Variants in XPO6 observed in about 807,000 individuals in gnomAD.
The protein encoded by XPO6 is exportin-6.
XPO6 carries 3 observed loss-of-function variants against 130.0 expected under a neutral mutation model. That is an observed-to-expected ratio of 0.02 (90% CI 0.01 to 0.06). The LOEUF (loss-of-function observed/expected upper bound fraction) is 0.06, where lower values mean the gene tolerates loss of function less well. Ranked by LOEUF, XPO6 falls within the 10% of genes least tolerant of loss-of-function variation. XPO6 has a pLI of 1.00. For synonymous variants in XPO6, 524 were observed against 548.9 expected (o/e 0.95, Z 0.63); for missense variants, 970 against 1,393.0 (o/e 0.70, Z 4.83).
At chr16:28,159,832 C>T (rs903583330) in intron 6 of XPO6, among the ~76,000 whole-genome samples, 1 of 152,074 alleles carries the variant, frequency 6.6e-6, no homozygotes, top group Admixed American at 6.5e-5. Flanking sequence ...ATTAGTATTT[C>T]TTGTAGAAAA....
At chr16:28,118,311 A>T (rs1299302575) in intron 14 of XPO6, among the ~76,000 whole-genome samples, 1 of 152,172 alleles carries the variant, frequency 6.6e-6, no homozygotes, top group African/African-American at 2.4e-5. Context: ...CTCTAAAAAG[A>T]GGCTTTCCCT....
At position 28,175,947 on chromosome 16, in the gene XPO6, C is replaced by T. The variant is rs2043528170; in HGVS notation, c.356G>A (p.Arg119His). ...GTGGTAGAACATGGGCCAATCCTGA[C>T]GTCCAATATCAACAATAACTTTGCA... ...KLCKVIVDIG[R>H]QDWPMFYHDF... The change falls in exon 4 of 24, where the codon CGT (arginine) becomes CAT (histidine). Residue 119 changes from arginine (R) to histidine (H), a missense_variant. Arg to His is a conservative substitution (Grantham distance 29). Around this residue, in one of 4 missense-constraint regions of XPO6, gnomAD observed 936 missense variants for 1,306.8 expected, o/e 0.72. Transcript: ENST00000304658. 1 of 1,613,998 alleles carries T rather than the reference C, an allele frequency of 6.2e-7. No individual in the cohort carries two copies. Among genetic ancestry groups the T allele is most frequent in the African/African-American group, 1.3e-5 (1 of 74,892 alleles).
intron 15 of XPO6, 153 bp downstream of exon 15, chr16:28,117,165 T>C: frequency 2.8e-6 from 3 of 1,063,356 alleles, no homozygotes; most frequent in Non-Finnish European, 4.0e-6. Flanking sequence ...AGGCTACAAC[T>C]AAAAAGGAAC....
intron 1 of XPO6, among the ~76,000 whole-genome samples, chr16:28,199,525 C>T (rs908670086): frequency 8.6e-5 from 13 of 152,000 alleles, no homozygotes; most frequent in Non-Finnish European, 1.5e-4. Flanking sequence ...GATCCGCCTG[C>T]CTCGGCCTCC....
chr16:28,170,122 C>T (rs1320252217), intron 4 of XPO6, among the ~76,000 whole-genome samples: 2 of 152,000 alleles, frequency 1.3e-5, no homozygotes, highest in Non-Finnish European at 2.9e-5. Context: ...CACCTGAGGT[C>T]GGGAGTTAGA....
chr16:28,160,834 T>C (rs2043266964), intron 6 of XPO6, among the ~76,000 whole-genome samples: 1 of 152,220 alleles, frequency 6.6e-6, no homozygotes, highest in Non-Finnish European at 1.5e-5. Context: ...TTTAAATATT[T>C]AATTCATTTA....
chr16:28,159,917 C>T (rs1013835144), intron 6 of XPO6, among the ~76,000 whole-genome samples: 5 of 152,070 alleles, frequency 3.3e-5, no homozygotes, highest in African/African-American at 7.2e-5. Flanking sequence ...CGGGCACAGT[C>T]GCTCACGCCT....
intron 9 of XPO6, among the ~76,000 whole-genome samples, chr16:28,141,663 A>G (rs567283479): frequency 6.6e-6 from 1 of 152,320 alleles, no homozygotes; most frequent in Non-Finnish European, 1.5e-5. Flanking sequence ...GGCTCTCTCA[A>G]GTCCCCACAG....
chr16:28,125,961 G>T, intron 12 of XPO6, 113 bp from the exon 13 acceptor site: 1 of 1,360,566 alleles, frequency 7.3e-7, no homozygotes, highest in Non-Finnish European at 1.0e-6. Flanking sequence ...AAACCAATTC[G>T]CGAAACAAAG....
At chr16:28,147,496 C>A (rs1311505694) in intron 8 of XPO6, among the ~76,000 whole-genome samples, 1 of 152,156 alleles carries the variant, frequency 6.6e-6, no homozygotes, top group East Asian at 1.9e-4. Context: ...TCCAACTTCA[C>A]GACCCAAAGG....
intron 1 of XPO6, among the ~76,000 whole-genome samples, chr16:28,202,513 G>A (rs910918958): frequency 9.2e-5 from 14 of 152,232 alleles, no homozygotes; most frequent in Non-Finnish European, 1.9e-4. Flanking sequence ...GAAAGGTCAG[G>A]GTCAGGACAC....
At chr16:28,128,784 CG>C (rs746116841) in intron 12 of XPO6, among the ~76,000 whole-genome samples, 9 of 152,146 alleles carry the variant, frequency 5.9e-5, no homozygotes, top group Non-Finnish European at 1.3e-4. Flanking sequence ...GTCACAAACA[CG>C]GGTAAAGTAA....
At position 28,133,942 on chromosome 16, in the gene XPO6, G is replaced by A. The variant is rs2042725897; in HGVS notation, c.1444-9C>T. 6.2e-7 allele frequency: 1 copy of A among 1,613,600 alleles called. No individual in the cohort carries two copies. Among genetic ancestry groups the A allele is most frequent in the South Asian group, 1.1e-5 (1 of 91,044 alleles). On this transcript the variant is annotated splice_polypyrimidine_tract_variant and intron_variant, in intron 10 of 23. Transcript: ENST00000304658. ...TGCCACTCCGTCTGCTGCTGTAGGG[G>A]AAGCACAGGAGAATCAGCTCTCCCA...
intron 5 of XPO6, among the ~76,000 whole-genome samples, chr16:28,169,061 C>T (rs2043408129): frequency 6.6e-6 from 1 of 152,202 alleles, no homozygotes; most frequent in Admixed American, 6.5e-5. Context: ...CTTTTCACTA[C>T]AAGATTCCCT....
At chr16:28,167,044 C>A in intron 5 of XPO6, 3 of 791,206 alleles carry the variant, frequency 3.8e-6, no homozygotes, top group Non-Finnish European at 4.6e-6. Flanking sequence ...CACGTTTCCC[C>A]AGGTTCCCTG....
At chr16:28,149,793 G>A (rs532498735) in intron 8 of XPO6, among the ~76,000 whole-genome samples, 1 of 152,222 alleles carries the variant, frequency 6.6e-6, no homozygotes, top group Admixed American at 6.5e-5. Flanking sequence ...ACACACGACT[G>A]TACTAAAATT....
At chr16:28,129,559 C>T (rs2042626134) in intron 12 of XPO6, among the ~76,000 whole-genome samples, 2 of 151,302 alleles carry the variant, frequency 1.3e-5, no homozygotes, top group African/African-American at 4.9e-5. Flanking sequence ...ATGACCTAAG[C>T]CACATCCAAA....
In XPO6 at chr16:28,146,277, GT is replaced by G. The variant is rs1018466226; in HGVS notation, c.1225-75del. The G allele has an allele frequency of 4.6e-6, 5 of 1,092,816 alleles. No homozygotes were observed. The African/African-American group carries it at 7.8e-5, about 17-fold the overall frequency. The allele number at this position is 1,092,816 out of a possible 1,614,324, so 67.7% of individuals were successfully genotyped here. On this transcript the variant is annotated intron_variant, in intron 8 of 23. Transcript: ENST00000304658. ...TCCTTAGAAACACACACATGCCAGT[GT>G]TTAATTCCAGCAGAATGATGAAATC...
At chr16:28,114,501 G>A (rs532707197) in intron 15 of XPO6, among the ~76,000 whole-genome samples, 1 of 152,204 alleles carries the variant, frequency 6.6e-6, no homozygotes, top group Non-Finnish European at 1.5e-5. Flanking sequence ...TCTATAAAGT[G>A]TGCAATAAGC....
Sources: allele counts gnomAD v4.1 joint callset (sites outside exome capture counted in the v4.1 genomes callset), GRCh38; gene constraint gnomAD v4.1.1; regional missense constraint gnomAD v4.1.1; transcripts MANE v1.5; gene names NCBI Gene and HGNC (gene_info 2026-07-23, HGNC 2026-07-21).